Variants in PDXDC1 observed in about 807,000 individuals in gnomAD.
PDXDC1 encodes pyridoxal-dependent decarboxylase domain-containing protein 1.
In PDXDC1, 42 loss-of-function variants were observed where a neutral mutation model predicts 100.1. The ratio of observed to expected loss-of-function variants is 0.42; its 90% CI spans 0.33 to 0.54. PDXDC1 has a LOEUF of 0.54. Ranked by LOEUF, PDXDC1 falls within the 20% of genes least tolerant of loss-of-function variation. The probability of loss-of-function intolerance (pLI) is 0.10; values close to 1 mark genes in which losing one functional copy is unlikely to be tolerated. For missense variants in PDXDC1, 636 were observed against 979.2 expected (o/e 0.65, Z 4.68); for synonymous variants, 260 against 371.7 (o/e 0.70, Z 3.46).
intron 16 of PDXDC1, chr16:15,071,346 A>C (rs1434342819): frequency 8.7e-7 from 1 of 1,146,088 alleles, no homozygotes; most frequent in Non-Finnish European, 1.2e-6. Flanking sequence ...AATGTAGGGA[A>C]AAGTTCTACT....
At chr16:14,987,315 A>C (rs1969602029) in intron 1 of PDXDC1, among the ~76,000 whole-genome samples, 1 of 152,288 alleles carries the variant, frequency 6.6e-6, no homozygotes, top group Non-Finnish European at 1.5e-5. Context: ...ACTTGATAAA[A>C]TTGAGAAGCA....
chr16:15,105,071 G>A (rs2046746781), intron 16 of PDXDC1, among the ~76,000 whole-genome samples: 2 of 125,412 alleles, frequency 1.6e-5, no homozygotes, highest in African/African-American at 5.9e-5. Flanking sequence ...AAGCATGTTT[G>A]AGACACAGGA....
At chr16:15,033,544 C>A in intron 19 of PDXDC1, 145 bp downstream of exon 19, 4 of 952,224 alleles carry the variant, frequency 4.2e-6, no homozygotes, top group Non-Finnish European at 4.8e-6. Context: ...GGGCCTTGTG[C>A]CAGGTGTCAG....
chr16:15,044,549 A>G (rs938294641), intron 16 of PDXDC1: 4 of 659,616 alleles, frequency 6.1e-6, no homozygotes, highest in African/African-American at 3.6e-5. Flanking sequence ...ACCGCAAAAG[A>G]AAGTATCGGC....
chr16:14,995,373 G>A (rs1432232273), intron 1 of PDXDC1, among the ~76,000 whole-genome samples: 1 of 152,286 alleles, frequency 6.6e-6, no homozygotes, highest in Non-Finnish European at 1.5e-5. Context: ...TTTTGTCAAA[G>A]GCCGTTCTGC....
downstream of PDXDC1, among the ~76,000 whole-genome samples, chr16:15,143,842 C>G (rs2048512144): frequency 6.6e-6 from 1 of 152,200 alleles, no homozygotes; most frequent in African/African-American, 2.4e-5. Flanking sequence ...AGACCAGATG[C>G]TGAGTGGGGT....
In PDXDC1 at chr16:15,018,640, C is replaced by T. The variant is rs573529316; in HGVS notation, c.964-200C>T. 7.2e-5 allele frequency among the ~76,000 whole-genome samples: 11 copies of T among 152,302 alleles called. No individual in the cohort carries two copies. The East Asian group carries it at 1.5e-3, about 21-fold the overall frequency. ...GCTTTGCCACTCCTGAGCTGTGAAC[C>T]CTTGGACAAACCGAGGTCTCTGAGT... is the stretch of plus-strand genomic sequence containing the variant. On this transcript the variant is annotated intron_variant, in intron 11 of 22. Transcript: ENST00000396410.
At chr16:14,991,288 TG>T (rs1265856390) in intron 1 of PDXDC1, among the ~76,000 whole-genome samples, 2 of 148,976 alleles carry the variant, frequency 1.3e-5, no homozygotes, top group Admixed American at 7.0e-5. Context: ...TGTGTGTGTG[TG>T]TGTGTGTGTG....
chr16:14,994,543 C>A (rs971020703), intron 1 of PDXDC1, among the ~76,000 whole-genome samples: 2 of 152,284 alleles, frequency 1.3e-5, no homozygotes, highest in Admixed American at 6.5e-5. Flanking sequence ...GTTACTGTAG[C>A]CTTGTAGTAT....
intron 13 of PDXDC1, among the ~76,000 whole-genome samples, chr16:15,024,922 T>G (rs549118682): frequency 6.6e-6 from 1 of 152,428 alleles, no homozygotes; most frequent in South Asian, 2.1e-4. Flanking sequence ...AAAGGCCTTA[T>G]ACAGACTCAC....
chr16:15,038,464 C>T (rs1045161224), downstream of PDXDC1: 5 of 678,228 alleles, frequency 7.4e-6, no homozygotes, highest in African/African-American at 9.1e-5. Context: ...CAAAAAGTTA[C>T]TACCCGCCAA....
intron 1 of PDXDC1, among the ~76,000 whole-genome samples, chr16:14,985,536 C>T (rs866000989): frequency 1.2e-4 from 19 of 152,346 alleles, no homozygotes; most frequent in African/African-American, 3.4e-4. Flanking sequence ...CCACCTGCCT[C>T]GGCCTCCCAA....
Position 15,089,746 on chromosome 16 carries a change from G to C in PDXDC1, c.1400-49133G>C, listed in dbSNP as rs2046049453. On this transcript the variant is annotated intron_variant, in intron 16 of 16. Transcript: ENST00000535621. ...ACCCGGGAGGCGGAGCTTGCAGTGA[G>C]CCAAGATTGCGCCACTGCACTCCAG... is the stretch of plus-strand genomic sequence containing the variant. Among the ~76,000 whole-genome samples, 3 of 124,180 alleles carry C rather than the reference G, an allele frequency of 2.4e-5. No individual in the cohort carries two copies. In the South Asian group the frequency reaches 8.0e-4, roughly 33 times the overall value. 81.5% of individuals were successfully genotyped at this position (124,180 alleles called of 152,430 possible).
chr16:15,088,481 G>A (rs893302980), intron 16 of PDXDC1, among the ~76,000 whole-genome samples: 6 of 152,030 alleles, frequency 3.9e-5, no homozygotes, highest in Admixed American at 3.9e-4. Context: ...ATGGAAAAAA[G>A]TTCTACTTGC....
chr16:15,127,203 C>G, intron 16 of PDXDC1: 1 of 415,186 alleles, frequency 2.4e-6, no homozygotes. Context: ...CTTGCTTCTT[C>G]TGAGTTATCT....
intron 16 of PDXDC1, among the ~76,000 whole-genome samples, chr16:15,093,463 C>A (rs1442750422): frequency 6.6e-6 from 1 of 152,254 alleles, no homozygotes; most frequent in African/African-American, 2.4e-5. Flanking sequence ...CTGCCTTTCC[C>A]CCCTATGCTG....
intron 16 of PDXDC1, among the ~76,000 whole-genome samples, chr16:15,071,553 A>C (rs2151777027): frequency 6.6e-6 from 1 of 152,320 alleles, no homozygotes; most frequent in East Asian, 1.9e-4. Context: ...GGATCACCCA[A>C]GGTCAGGAGC....
intron 1 of PDXDC1, among the ~76,000 whole-genome samples, chr16:14,980,199 C>T (rs1165780381): frequency 6.6e-6 from 1 of 152,288 alleles, no homozygotes; most frequent in Non-Finnish European, 1.5e-5. Flanking sequence ...CCATTTCCGT[C>T]TTTGCTCCAC....
At chr16:15,150,044 A>G in the PDXDC1 span, among the ~76,000 whole-genome samples, 3 of 152,000 alleles carry the variant, frequency 2.0e-5, no homozygotes, top group South Asian at 2.1e-4. Context: ...GGAAGCTCCT[A>G]GACATCATCG....
Sources: allele counts gnomAD v4.1 joint callset (sites outside exome capture counted in the v4.1 genomes callset), GRCh38; gene constraint gnomAD v4.1.1; transcripts MANE v1.5; gene names NCBI Gene and HGNC (gene_info 2026-07-23, HGNC 2026-07-21).